The following LRP1B variants were observed in gnomAD, a reference collection of about 807,000 sequenced individuals.
LRP1B encodes low-density lipoprotein receptor-related protein 1B.
LRP1B carries 217 observed loss-of-function variants against 556.6 expected under a neutral mutation model. The observed-to-expected ratio is 0.39, with a 90% confidence interval of 0.35 to 0.44. The LOEUF (loss-of-function observed/expected upper bound fraction) is 0.44. LRP1B is among the 20% of genes least tolerant of loss of function. The probability of loss-of-function intolerance (pLI) is 1.00; values close to 1 mark genes in which losing one functional copy is unlikely to be tolerated. For synonymous variants in LRP1B, 2,047 were observed against 1,865.8 expected, an observed-to-expected ratio of 1.10 and a Z score of -2.50; for missense variants, 5,053 against 5,620.8, an observed-to-expected ratio of 0.90 and a Z score of 3.23.
intron 2 of LRP1B, among the ~76,000 whole-genome samples, chr2:141,702,161 T>C (rs13022982): frequency 2.6e-5 from 4 of 151,764 alleles, no homozygotes; most frequent in Non-Finnish European, 4.4e-5. Flanking sequence ...TGGGTGAAAA[T>C]GGCATGGAGG....
At chr2:140,751,020 CT>C (rs1688560704) in intron 35 of LRP1B, among the ~76,000 whole-genome samples, 1 of 104,732 alleles carries the variant, frequency 9.5e-6, no homozygotes, top group African/African-American at 3.8e-5. Context: ...GAGATGAAGT[CT>C]TGCCATTGTC....
At chr2:141,579,855 A>G (rs1024317177) in intron 2 of LRP1B, among the ~76,000 whole-genome samples, 1 of 149,580 alleles carries the variant, frequency 6.7e-6, no homozygotes, top group Non-Finnish European at 1.5e-5. Flanking sequence ...ACCCACCACC[A>G]CACCCGGCTA....
At chr2:141,262,788 T>C (rs1684746288) in intron 3 of LRP1B, among the ~76,000 whole-genome samples, 2 of 152,124 alleles carry the variant, frequency 1.3e-5, no homozygotes, top group African/African-American at 4.8e-5. Flanking sequence ...TTTCTATAAA[T>C]TATGCTATTT....
chr2:140,654,914 C>A lies in LRP1B; in HGVS notation c.6799+45336G>T, dbSNP rs150003701. 5.3e-5 allele frequency among the ~76,000 whole-genome samples: 8 copies of A among 152,230 alleles called. No homozygotes were observed. The East Asian group carries it at 1.5e-3, about 29-fold the overall frequency. On this transcript the variant is annotated intron_variant, in intron 41 of 90. Coordinates refer to ENST00000389484, the MANE Select transcript of LRP1B (RefSeq NM_018557.3). ...CCACAGCTATGCTTTTTCCCACACACCAGTAAGTATAATCATTACTGTCAA... is the reference window on the plus strand; with the variant it reads ...CCACAGCTATGCTTTTTCCCACACAACAGTAAGTATAATCATTACTGTCAA...
intron 1 of LRP1B, among the ~76,000 whole-genome samples, chr2:142,127,506 A>C (rs1164345244): frequency 6.6e-6 from 1 of 151,864 alleles, no homozygotes; most frequent in Non-Finnish European, 1.5e-5. Flanking sequence ...GTTTTAGCAC[A>C]TTTAAATTCT....
chr2:142,121,134 A>C (rs1707444862), intron 1 of LRP1B, among the ~76,000 whole-genome samples: 1 of 152,170 alleles, frequency 6.6e-6, no homozygotes, highest in African/African-American at 2.4e-5. Flanking sequence ...TTTCTAAACT[A>C]AAAATGCAAA....
At chr2:140,615,539 C>A (rs990018256) in intron 41 of LRP1B, among the ~76,000 whole-genome samples, 1 of 152,122 alleles carries the variant, frequency 6.6e-6, no homozygotes, top group African/African-American at 2.4e-5. Flanking sequence ...CAAAGCCCAA[C>A]ATGACTTGGT....
chr2:140,391,057 T>C (rs1268742245), intron 66 of LRP1B, among the ~76,000 whole-genome samples: 1 of 152,132 alleles, frequency 6.6e-6, no homozygotes, highest in Non-Finnish European at 1.5e-5. Context: ...TAAATATTTA[T>C]AAAACTAATT....
intron 3 of LRP1B, among the ~76,000 whole-genome samples, chr2:141,349,679 C>T (rs1573841933): frequency 6.6e-6 from 1 of 152,032 alleles, no homozygotes; most frequent in East Asian, 1.9e-4. Context: ...TTCTGAAAAT[C>T]AACTTGTTAG....
chr2:140,618,182 G>A (rs1186234277), intron 41 of LRP1B, among the ~76,000 whole-genome samples: 1 of 151,756 alleles, frequency 6.6e-6, no homozygotes, highest in Non-Finnish European at 1.5e-5. Flanking sequence ...AGAGATTAAA[G>A]AAGGAAACAC....
At chr2:141,878,640 ATAAAT>A (rs1182640009) in intron 1 of LRP1B, among the ~76,000 whole-genome samples, 6 of 152,150 alleles carry the variant, frequency 3.9e-5, no homozygotes, top group African/African-American at 1.2e-4. Context: ...TTAAAAGTAA[ATAAAT>A]TAATGTGTAT....
intron 16 of LRP1B, among the ~76,000 whole-genome samples, chr2:140,991,262 A>G (rs766338229): frequency 4.6e-5 from 7 of 152,180 alleles, no homozygotes; most frequent in Non-Finnish European, 8.8e-5. Context: ...TCAACAATAA[A>G]GTAATAAACA....
intron 1 of LRP1B, among the ~76,000 whole-genome samples, chr2:141,862,757 G>A (rs1379925210): frequency 6.6e-6 from 1 of 152,156 alleles, no homozygotes; most frequent in African/African-American, 2.4e-5. Context: ...TTATATCATA[G>A]CCATACAGAT....
At chr2:141,039,775 T>C (rs1698642215) in intron 11 of LRP1B, among the ~76,000 whole-genome samples, 2 of 152,120 alleles carry the variant, frequency 1.3e-5, no homozygotes, top group African/African-American at 4.8e-5. Context: ...CTTTTCATCA[T>C]TTGATAGGTT....
chr2:140,719,650 A>C (rs528216153), intron 35 of LRP1B, among the ~76,000 whole-genome samples: 3 of 152,166 alleles, frequency 2.0e-5, no homozygotes, highest in East Asian at 3.9e-4. Flanking sequence ...ATATAGTCAC[A>C]TGTACTATAG....
intron 2 of LRP1B, among the ~76,000 whole-genome samples, chr2:141,543,129 T>C (rs986239353): frequency 7.9e-5 from 12 of 152,162 alleles, no homozygotes; most frequent in African/African-American, 2.4e-4. Flanking sequence ...CTTGGTAAAA[T>C]TGGTTGTCTC....
chr2:141,494,981 G>T (rs984867019), intron 2 of LRP1B, among the ~76,000 whole-genome samples: 6 of 151,938 alleles, frequency 3.9e-5, no homozygotes, highest in South Asian at 2.1e-4. Context: ...TTACATTTAT[G>T]GACAATTCTA....
At chr2:141,056,827 T>TA (rs1699190646) in intron 9 of LRP1B, among the ~76,000 whole-genome samples, 1 of 151,884 alleles carries the variant, frequency 6.6e-6, no homozygotes, top group South Asian at 2.1e-4. Flanking sequence ...TATATTTAAA[T>TA]ATACCCTTGA....
At chr2:140,990,201 A>AT (rs1429187727) in intron 16 of LRP1B, among the ~76,000 whole-genome samples, 1 of 151,898 alleles carries the variant, frequency 6.6e-6, no homozygotes, top group East Asian at 1.9e-4. Context: ...CATCTCAAAA[A>AT]AAATAAATAA....
Sources: allele counts gnomAD v4.1 joint callset (sites outside exome capture counted in the v4.1 genomes callset), GRCh38; gene constraint gnomAD v4.1.1; transcripts MANE v1.5; gene names NCBI Gene and HGNC (gene_info 2026-07-23, HGNC 2026-07-21).